MTSS2: variants seen among roughly 807,000 people sequenced by gnomAD.
MTSS2 encodes protein MTSS 2.
A neutral mutation model predicts 67.1 loss-of-function variants in MTSS2; 27 were observed. The ratio of observed to expected loss-of-function variants is 0.40; its 90% CI spans 0.30 to 0.55. The LOEUF (loss-of-function observed/expected upper bound fraction) is 0.55. MTSS2 is among the 20% of genes least tolerant of loss of function. The pLI is 0.43. For synonymous variants in MTSS2, 624 were observed against 468.6 expected (o/e 1.33, Z -4.28); for missense variants, 1,171 against 1,067.8 (o/e 1.10, Z -1.35).
At position 70,664,114 on chromosome 16, in the gene MTSS2, C is replaced by T. The variant is rs201050211; in HGVS notation, c.1807G>A (p.Gly603Ser). 87 of 1,611,684 alleles carry T rather than the reference C, an allele frequency of 5.4e-5. No individual in the cohort carries two copies. In the East Asian group the frequency reaches 7.4e-4, roughly 14 times the overall value. ...CCCGCCCGTGTGGGCCCCATGTAGCCGGGGGAGTCAGGCACCGTGGGCGTC... is the reference window on the plus strand; with the variant it reads ...CCCGCCCGTGTGGGCCCCATGTAGCTGGGGGAGTCAGGCACCGTGGGCGTC... ...VKTPTVPDSP[G>S]YMGPTRAGSE... The change falls in exon 15 of 15, where the codon GGC becomes AGC. Residue 603 changes from glycine to serine, a missense_variant. This residue lies in a region of MTSS2 where 924 missense variants were observed against 756.0 expected (regional missense o/e 1.22). Coordinates refer to ENST00000338779, the MANE Select transcript of MTSS2 (RefSeq NM_138383.3).
chr16:70,661,345 G>GAA lies in MTSS2; in HGVS notation c.*2330_*2331dup, dbSNP rs1399397915. 5.1e-6 allele frequency: 2 copies of GAA among 390,514 alleles called. No homozygotes were observed. The highest frequency in any genetic ancestry group is 2.8e-5 in the African/African-American group (1 of 35,550). 24.2% of individuals were successfully genotyped at this position (390,514 alleles called of 1,614,324 possible). ...GAATTTTTCCAAAATCTGACGGAAA[G>GAA]AAAAGAAACAAATGGTTCAGATGGG... On this transcript the variant is annotated 3_prime_UTR_variant, in exon 15 of 15. Coordinates refer to ENST00000338779, the MANE Select transcript of MTSS2 (RefSeq NM_138383.3).
chr16:70,665,322 T>C (rs753915606), intron 12 of MTSS2, 144 bp downstream of exon 12: 22 of 996,602 alleles, frequency 2.2e-5, no homozygotes, highest in East Asian at 2.1e-4. Flanking sequence ...AATGGCCAGG[T>C]GGCTTGTCTC....
chr16:70,661,266 A>G lies in MTSS2; in HGVS notation c.*2411T>C, dbSNP rs915853988. The G allele has an allele frequency of 2.2e-6, 1 of 455,166 alleles. No homozygotes were observed. 28.2% of individuals were successfully genotyped at this position (455,166 alleles called of 1,614,324 possible). ...TCACAGTGCATCTGTTACTTGTAGC[A>G]GTGACTATATTTAAATCGGGGAGGA... is the stretch of plus-strand genomic sequence containing the variant. On this transcript the variant is annotated 3_prime_UTR_variant, in exon 15 of 15. Coordinates refer to ENST00000338779, the MANE Select transcript of MTSS2 (RefSeq NM_138383.3).
In MTSS2 at chr16:70,663,567, C is replaced by T; in HGVS notation, c.*110G>A. ...TTTCCATAAAGTGGCATGGCCTCTG[C>T]CCTGGCTCTGTCCTCTCTCCTGGCT... On this transcript the variant is annotated 3_prime_UTR_variant, in exon 15 of 15. Transcript: ENST00000338779. 2.1e-6 allele frequency: 3 copies of T among 1,438,284 alleles called. No individual in the cohort carries two copies. Among genetic ancestry groups the T allele is most frequent in the South Asian group, 3.0e-5 (2 of 67,148 alleles). The allele number at this position is 1,438,284 out of a possible 1,614,324, so 89.1% of individuals were successfully genotyped here.
chr16:70,666,651 G>A (rs535815879), intron 11 of MTSS2, among the ~76,000 whole-genome samples: 33 of 152,320 alleles, frequency 2.2e-4, no homozygotes, highest in African/African-American at 7.9e-4. Context: ...AAAATAAAAG[G>A]AAACCAGGCA....
intron 11 of MTSS2, among the ~76,000 whole-genome samples, chr16:70,668,991 A>T (rs1420444888): frequency 3.3e-5 from 5 of 152,026 alleles, no homozygotes; most frequent in Non-Finnish European, 7.4e-5. Flanking sequence ...GAAAAAAAGG[A>T]CCCCTACCTC....
intron 1 of MTSS2, among the ~76,000 whole-genome samples, chr16:70,682,688 A>T (rs569389660): frequency 1.4e-5 from 2 of 140,994 alleles, no homozygotes; most frequent in African/African-American, 5.2e-5. Flanking sequence ...GACCCCAGAG[A>T]CAAAGAGCTT....
At position 70,665,037 on chromosome 16, in the gene MTSS2, C is replaced by T; in HGVS notation, c.1188G>A (p.Lys396=). Residue 396 remains lysine (K), a synonymous_variant, in exon 13 of 15, where the codon AAG becomes AAA. Transcript: ENST00000338779. ...TGTCTCGCAGGAGCTCCACTCGGTC[C>T]TTCCTCCGCTGCAGAGTGGCGCCTG... The part of the protein sequence containing the change: ...QPSGATLQRR[K]DRVELLRDTE... 1.3e-6 allele frequency: 2 copies of T among 1,597,334 alleles called. No individual in the cohort carries two copies. Among genetic ancestry groups the T allele is most frequent in the Non-Finnish European group, 1.7e-6 (2 of 1,179,568 alleles).
chr16:70,669,861 G>C (rs1386473741), intron 11 of MTSS2, among the ~76,000 whole-genome samples: 1 of 151,078 alleles, frequency 6.6e-6, no homozygotes, highest in Non-Finnish European at 1.5e-5. Flanking sequence ...ATTAGCATTA[G>C]AGAAATGCAA....
Position 70,664,429 on chromosome 16 carries a change from A to G in MTSS2, c.1492T>C (p.Ser498Pro). The change falls in exon 15 of 15, where the codon TCC becomes CCC. Residue 498 changes from serine (S) to proline (P), a missense_variant. This residue lies in a region of MTSS2 where 924 missense variants were observed against 756.0 expected (regional missense o/e 1.22). Coordinates refer to ENST00000338779, the MANE Select transcript of MTSS2 (RefSeq NM_138383.3). The stretch of plus-strand genomic sequence containing the variant: ...TCGCTGTCCGCATCCCCATTCACGG[A>G]GTAGCAGTCGTAGTCGGAGCCTGGG... ...PSQGSDYDCY[S>P]VNGDADSEGP... The G allele has an allele frequency of 6.5e-7, 1 of 1,543,234 alleles. No individual in the cohort carries two copies.
rs1055566329 is a variant in MTSS2, at chr16:70,663,367, G to A, written c.*310C>T. On this transcript the variant is annotated 3_prime_UTR_variant, in exon 15 of 15. Transcript: ENST00000338779. Reference sequence around the variant, plus strand: ...GCCTGGCCCCTCTGTCATGGGCAGCGGCCCTGGCTCTGGTGCTTATGGGTA... The same window carrying A: ...GCCTGGCCCCTCTGTCATGGGCAGCAGCCCTGGCTCTGGTGCTTATGGGTA... 2.0e-5 allele frequency: 8 copies of A among 394,550 alleles called. No individual in the cohort carries two copies. The highest frequency in any genetic ancestry group is 4.6e-5 in the South Asian group (1 of 21,850). The allele number at this position is 394,550 out of a possible 1,614,324, so 24.4% of individuals were successfully genotyped here. A position where few individuals can be genotyped will look rare whatever the true frequency, so the allele number is the denominator to read the frequency against.
intron 1 of MTSS2, among the ~76,000 whole-genome samples, chr16:70,685,323 G>A (rs919763027): frequency 6.6e-6 from 1 of 152,156 alleles, no homozygotes; most frequent in Non-Finnish European, 1.5e-5. Flanking sequence ...TGACAGCATT[G>A]TCTGGGCTCC....
At chr16:70,666,439 G>A (rs2052717739) in intron 11 of MTSS2, among the ~76,000 whole-genome samples, 1 of 152,250 alleles carries the variant, frequency 6.6e-6, no homozygotes. Flanking sequence ...ACAGGCCCAT[G>A]AAATCCTGAG....
Position 70,664,355 on chromosome 16 carries a change from G to T in MTSS2, c.1566C>A (p.Asn522Lys), listed in dbSNP as rs774886954. The T allele has an allele frequency of 6.3e-7, 1 of 1,596,146 alleles. No individual in the cohort carries two copies. Among genetic ancestry groups the T allele is most frequent in the South Asian group, 1.1e-5 (1 of 88,088 alleles). ...DKSSTIPRNS[N>K]IAQNYRRLIQ... Reference sequence around the variant, plus strand: ...TCAGGCGGCGGTAGTTCTGGGCGATGTTGCTGTTGCGCGGGATGGTGGATG... The same window carrying T: ...TCAGGCGGCGGTAGTTCTGGGCGATTTTGCTGTTGCGCGGGATGGTGGATG... The change falls in exon 15 of 15, where the codon AAC becomes AAA. Residue 522 changes from asparagine to lysine, a missense_variant. Around this residue, in one of 2 missense-constraint regions of MTSS2, gnomAD observed 924 missense variants for 756.0 expected, o/e 1.22. Coordinates refer to ENST00000338779, the MANE Select transcript of MTSS2 (RefSeq NM_138383.3).
At chr16:70,668,416 A>AAG (rs1463463134) in intron 11 of MTSS2, among the ~76,000 whole-genome samples, 2 of 151,962 alleles carry the variant, frequency 1.3e-5, no homozygotes, top group Admixed American at 6.6e-5. Flanking sequence ...AAAAAAAAAA[A>AAG]AGACTTTTTA....
At chr16:70,683,177 G>A (rs2053353025) in intron 1 of MTSS2, among the ~76,000 whole-genome samples, 1 of 152,228 alleles carries the variant, frequency 6.6e-6, no homozygotes, top group African/African-American at 2.4e-5. Context: ...CAGATGTGGA[G>A]TGTGGGTGAG....
intron 7 of MTSS2, among the ~76,000 whole-genome samples, chr16:70,678,617 C>G (rs896377034): frequency 6.6e-6 from 1 of 152,226 alleles, no homozygotes; most frequent in South Asian, 2.1e-4. Flanking sequence ...GACACACACA[C>G]AAGAAAGAGG....
At chr16:70,674,583 G>A in intron 10 of MTSS2, 55 bp from the exon 11 acceptor site, 1 of 1,501,416 alleles carries the variant, frequency 6.7e-7, no homozygotes, top group Non-Finnish European at 9.1e-7. Flanking sequence ...AGAGGGGTGT[G>A]TGTTTGGGGG....
chr16:70,674,463 T>C lies in MTSS2; in HGVS notation c.896A>G (p.Tyr299Cys), dbSNP rs748292625. 6.2e-7 allele frequency: 1 copy of C among 1,613,804 alleles called. No homozygotes were observed. The highest frequency in any genetic ancestry group is 8.5e-7 in the Non-Finnish European group (1 of 1,179,972). The change falls in exon 11 of 15, where the codon TAC (tyrosine) becomes TGC (cysteine). Residue 299 changes from tyrosine (Y) to cysteine (C), a missense_variant. Tyr to Cys is a radical substitution (Grantham distance 194). This residue lies in a region of MTSS2 where 924 missense variants were observed against 756.0 expected (regional missense o/e 1.22). Transcript: ENST00000338779. ...GTAGCGACAGGTGGAACTGGGTGAG[T>C]ATGTTTGGGCACCCCCAGGCCATGG... is the stretch of plus-strand genomic sequence containing the variant. ...GAPWPGGAQT[Y>C]SPSSTCRYRS...
Sources: gnomAD v4.1 joint callset for allele counts (sites outside exome capture counted in the v4.1 genomes callset) on GRCh38, gnomAD v4.1.1 for gene constraint, gnomAD v4.1.1 regional missense constraint, MANE v1.5 for transcripts, NCBI Gene and HGNC (gene_info 2026-07-23, HGNC 2026-07-21) for gene names.